The following CHD7 variants were observed in gnomAD, a reference collection of about 807,000 sequenced individuals.
CHD7 encodes the protein ATP-dependent chromatin remodeler CHD7.
In CHD7, 24 loss-of-function variants were observed where a neutral mutation model predicts 307.3. The ratio of observed to expected loss-of-function variants is 0.08; its 90% CI spans 0.06 to 0.11. The LOEUF is 0.11. Ranked by LOEUF, CHD7 falls within the 10% of genes least tolerant of loss-of-function variation. The pLI, the probability that CHD7 is intolerant of heterozygous loss-of-function variation, is 1.00. For synonymous variants in CHD7, 1,363 were observed against 1,349.9 expected (o/e 1.01, Z -0.21); for missense variants, 3,106 against 3,727.1 (o/e 0.83, Z 4.34).
chr8:60,747,345 TG>T (rs1809382187), intron 2 of CHD7, among the ~76,000 whole-genome samples: 1 of 152,146 alleles, frequency 6.6e-6, no homozygotes, highest in African/African-American at 2.4e-5. Flanking sequence ...CCCAAAGTGC[TG>T]GGATTACAGG....
Position 60,741,921 on chromosome 8 carries a change from GCAGCCA to G in CHD7, c.495_500del (p.Gln168_Pro169del), listed in dbSNP as rs758131874. The G allele has an allele frequency of 3.1e-6, 5 of 1,612,906 alleles. No homozygotes were observed. Among genetic ancestry groups the G allele is most frequent in the Non-Finnish European group, 4.2e-6 (5 of 1,179,558 alleles). On this transcript the variant is annotated inframe_deletion, in exon 2 of 38. Coordinates refer to ENST00000423902, the MANE Select transcript of CHD7 (RefSeq NM_017780.4). The stretch of plus-strand genomic sequence containing the variant: ...AGATACGAGCCCCCTACCAGCAGCA[GCAGCCA>G]CAGCCGCAGCCACCGCAGCCGGCTC...
chr8:60,861,003 C>T lies in CHD7; in HGVS notation c.7708C>T (p.Pro2570Ser), dbSNP rs761034050. The T allele has an allele frequency of 1.9e-6, 3 of 1,613,956 alleles. No individual in the cohort carries two copies. Among genetic ancestry groups the T allele is most frequent in the Non-Finnish European group, 2.5e-6 (3 of 1,179,870 alleles). ...PGQLDPDTRI[P>S]VINLEDGTRL... Reference sequence around the variant, plus strand: ...ACAGCTGGACCCAGACACACGGATCCCTGTTATCAATCTTGAAGATGGGAC... The same window carrying T: ...ACAGCTGGACCCAGACACACGGATCTCTGTTATCAATCTTGAAGATGGGAC... The change falls in exon 35 of 38, where the codon CCT (proline) becomes TCT (serine). Residue 2570 changes from proline to serine, a missense_variant. Coordinates refer to ENST00000423902, the MANE Select transcript of CHD7 (RefSeq NM_017780.4).
chr8:60,852,728 G>A (rs1020397622), intron 30 of CHD7, 22 bp downstream of exon 30: 3 of 1,612,734 alleles, frequency 1.9e-6, no homozygotes, highest in African/African-American at 2.7e-5. Flanking sequence ...TAGCAACAAA[G>A]TTCTATACAA....
At chr8:60,684,030 A>G (rs1805757771) in intron 1 of CHD7, among the ~76,000 whole-genome samples, 1 of 152,058 alleles carries the variant, frequency 6.6e-6, no homozygotes, top group South Asian at 2.1e-4. Flanking sequence ...TTCCTGTTGC[A>G]TTTTAACTAA....
chr8:60,861,391 T>C (rs893673201), intron 35 of CHD7: 1 of 368,274 alleles, frequency 2.7e-6, no homozygotes, highest in African/African-American at 2.1e-5. Context: ...CAAACTCATG[T>C]GACTTCTTCA....
intron 1 of CHD7, among the ~76,000 whole-genome samples, chr8:60,708,318 C>A (rs1431131336): frequency 6.6e-6 from 1 of 152,196 alleles, no homozygotes; most frequent in Non-Finnish European, 1.5e-5. Context: ...CTGACTTTCT[C>A]TCCTGTTGCA....
In CHD7 at chr8:60,781,383, G is replaced by A; in HGVS notation, c.2049G>A (p.Lys683=). The change falls in exon 3 of 38, where the codon AAG becomes AAA. Residue 683 remains lysine, a synonymous_variant. Coordinates refer to ENST00000423902, the MANE Select transcript of CHD7 (RefSeq NM_017780.4). ...APKIPKEPKE[K]KAKTATPKPK... ...AGATTCCCAAAGAGCCAAAGGAAAA[G>A]AAAGCAAAAACTGCCACGCCAAAAC... The A allele has an allele frequency of 6.5e-7, 1 of 1,539,632 alleles. No individual in the cohort carries two copies. Among genetic ancestry groups the A allele is most frequent in the Non-Finnish European group, 8.7e-7 (1 of 1,152,204 alleles).
At chr8:60,738,377 T>C (rs770818284) in intron 1 of CHD7, among the ~76,000 whole-genome samples, 6 of 152,252 alleles carry the variant, frequency 3.9e-5, no homozygotes, top group Admixed American at 3.9e-4. Flanking sequence ...TATTAAAATG[T>C]AGCTACTAGA....
At chr8:60,837,933 T>A in intron 18 of CHD7, 98 bp downstream of exon 18, 1 of 1,321,448 alleles carries the variant, frequency 7.6e-7, no homozygotes, top group Non-Finnish European at 1.0e-6. Flanking sequence ...TTTTTCGACC[T>A]CAATATTTTA....
At chr8:60,694,512 C>T (rs534671343) in intron 1 of CHD7, among the ~76,000 whole-genome samples, 1 of 152,330 alleles carries the variant, frequency 6.6e-6, no homozygotes, top group Non-Finnish European at 1.5e-5. Flanking sequence ...CTTGCCCTCT[C>T]CTTTGATAAG....
intron 7 of CHD7, among the ~76,000 whole-genome samples, chr8:60,811,958 T>C (rs1039944841): frequency 5.3e-5 from 8 of 152,270 alleles, no homozygotes; most frequent in Non-Finnish European, 1.0e-4. Flanking sequence ...GGCCACTTTT[T>C]ACATCTTGCT....
Position 60,865,862 on chromosome 8 carries a change from A to G in CHD7, c.8923A>G (p.Ile2975Val). 1 of 1,612,812 alleles carries G rather than the reference A, an allele frequency of 6.2e-7. No homozygotes were observed. Among genetic ancestry groups the G allele is most frequent in the South Asian group, 1.1e-5 (1 of 90,750 alleles). Residue 2975 changes from isoleucine (I) to valine (V), a missense_variant, in exon 38 of 38, where the codon ATA becomes GTA. Physicochemically the swap from Ile to Val is conservative, Grantham distance 29. Transcript: ENST00000423902. The surrounding 1 kb of genome is among the most constrained non-coding windows in gnomAD (Gnocchi z 4.3). ...TAESSLLEDE[I>V]AQGEELDSLD... ...AGAGTCCTCCCTCTTAGAAGACGAA[A>G]TAGCACAGGGTGAAGAGCTAGACTC...
intron 28 of CHD7, among the ~76,000 whole-genome samples, chr8:60,851,674 T>C (rs1805462403): frequency 6.6e-6 from 1 of 152,266 alleles, no homozygotes; most frequent in African/African-American, 2.4e-5. Flanking sequence ...TTTTACCGAA[T>C]ATAAAATCAT....
chr8:60,837,002 A>G lies in CHD7; in HGVS notation c.4175A>G (p.Asn1392Ser). Residue 1392 changes from asparagine (N) to serine (S), a missense_variant, in exon 17 of 38, where the codon AAT becomes AGT. Asn to Ser is a conservative substitution (Grantham distance 46). Around this residue, in one of 10 missense-constraint regions of CHD7, gnomAD observed 93 missense variants for 176.4 expected, o/e 0.53. Coordinates refer to ENST00000423902, the MANE Select transcript of CHD7 (RefSeq NM_017780.4). ...IIFDSDWNPQ[N>S]DLQAQARCHR... Reference sequence around the variant, plus strand: ...TTTGATTCAGACTGGAATCCCCAAAATGACCTCCAGGTAAATGCACAAGAA... The same window carrying G: ...TTTGATTCAGACTGGAATCCCCAAAGTGACCTCCAGGTAAATGCACAAGAA... 1.2e-6 allele frequency: 2 copies of G among 1,608,264 alleles called. No homozygotes were observed. The highest frequency in any genetic ancestry group is 1.7e-6 in the Non-Finnish European group (2 of 1,176,294).
intron 1 of CHD7, among the ~76,000 whole-genome samples, chr8:60,696,767 A>G (rs888018318): frequency 6.6e-6 from 1 of 151,920 alleles, no homozygotes; most frequent in Admixed American, 6.6e-5. Context: ...AGACAGGAAA[A>G]TCTTTTTTTA....
chr8:60,840,691 C>A (rs1804933580), intron 19 of CHD7, among the ~76,000 whole-genome samples: 1 of 151,230 alleles, frequency 6.6e-6, no homozygotes, highest in Non-Finnish European at 1.5e-5. Flanking sequence ...AATCTCGGCT[C>A]ACTGCAACCT....
chr8:60,693,600 C>A (rs1806311010), intron 1 of CHD7, among the ~76,000 whole-genome samples: 1 of 152,232 alleles, frequency 6.6e-6, no homozygotes, highest in South Asian at 2.1e-4. Flanking sequence ...CCCTGCTCAG[C>A]CCTCTCCCAG....
rs181285214 is a variant in CHD7, at chr8:60,858,362, A to G, written c.7608+1474A>G. Among the ~76,000 whole-genome samples, 363 of 152,330 alleles carry G rather than the reference A, an allele frequency of 2.4e-3. 1 individual carries two copies. The highest frequency in any genetic ancestry group is 8.2e-3 in the African/African-American group (343 of 41,576). On this transcript the variant is annotated intron_variant, in intron 34 of 37. Coordinates refer to ENST00000423902, the MANE Select transcript of CHD7 (RefSeq NM_017780.4). The stretch of plus-strand genomic sequence containing the variant: ...TGTTTTCAGAATCCTGTAAAAGTAC[A>G]CTTTGTAATGGACTAGCTGTGACTT...
intron 1 of CHD7, among the ~76,000 whole-genome samples, chr8:60,714,918 A>AATGC (rs1563537722): frequency 1.3e-5 from 2 of 152,228 alleles, no homozygotes; most frequent in African/African-American, 4.8e-5. Context: ...TGAATGAATG[A>AATGC]ATGCGGTGGA....
Sources: allele counts gnomAD v4.1 joint callset (sites outside exome capture counted in the v4.1 genomes callset), GRCh38; gene constraint gnomAD v4.1.1; regional missense constraint gnomAD v4.1.1; non-coding constraint Gnocchi (gnomAD v3.1); transcripts MANE v1.5; gene names NCBI Gene and HGNC (gene_info 2026-07-23, HGNC 2026-07-21).